FGF13: variants seen among roughly 807,000 people sequenced by gnomAD.
FGF13 encodes the protein fibroblast growth factor 13.
In FGF13, 2 loss-of-function variants were observed where a neutral mutation model predicts 19.5. The ratio of observed to expected loss-of-function variants is 0.10; its 90% CI spans 0.04 to 0.32. The LOEUF is 0.32. Ranked by LOEUF, FGF13 falls within the 10% of genes least tolerant of loss-of-function variation. The probability of loss-of-function intolerance (pLI) is 1.00; values close to 1 mark genes in which losing one functional copy is unlikely to be tolerated. For synonymous variants in FGF13, 72 were observed against 76.9 expected (o/e 0.94, Z 0.33); for missense variants, 113 against 192.7 (o/e 0.59, Z 2.45).
chrX:138,688,846 G>A (rs185580766), intron 3 of FGF13, among the ~76,000 whole-genome samples: 36 of 112,103 alleles, frequency 3.2e-4, no homozygotes, highest in African/African-American at 8.1e-4. Flanking sequence ...AGGAGAATCT[G>A]ACTTTTGGGT....
upstream of FGF13, among the ~76,000 whole-genome samples, chrX:138,712,524 C>A (rs2090064748): frequency 9.0e-6 from 1 of 111,466 alleles, no homozygotes; most frequent in Admixed American, 9.5e-5. Context: ...ATTCAGGAAC[C>A]AGTCTGGCTT....
At chrX:138,725,832 C>A (rs905153807) in intron 1 of FGF13, among the ~76,000 whole-genome samples, 2 of 111,500 alleles carry the variant, frequency 1.8e-5, no homozygotes, top group Non-Finnish European at 3.8e-5. Context: ...ATGAACAAAG[C>A]ATGACTTTGC....
chrX:138,953,321 C>T (rs1041236454), intron 1 of FGF13, among the ~76,000 whole-genome samples: 2 of 110,599 alleles, frequency 1.8e-5, no homozygotes, highest in African/African-American at 3.3e-5. Context: ...AGCAAACTAT[C>T]GCAAGGACAG....
chrX:138,973,605 T>C lies in FGF13; in HGVS notation c.-112-108955A>G, dbSNP rs545412957. Among the ~76,000 whole-genome samples the C allele has an allele frequency of 2.8e-4, 31 of 112,050 alleles. No individual in the cohort carries two copies. The South Asian group carries it at 0.011, about 40-fold the overall frequency. On this transcript the variant is annotated intron_variant, in intron 1 of 2. Transcript: ENST00000421460. ...CTGAAAGTGAGGTGTTTAAGTCCCT[T>C]ACTATTATATTGCAGTCTATCTTCC...
intron 1 of FGF13, among the ~76,000 whole-genome samples, chrX:138,730,150 A>AT (rs920809209): frequency 7.2e-5 from 8 of 110,707 alleles, no homozygotes; most frequent in Non-Finnish European, 1.5e-4. Context: ...AAAGATCTTT[A>AT]TTTTAAAAAC....
chrX:138,752,551 G>T (rs1228336937), intron 3 of FGF13, among the ~76,000 whole-genome samples: 8 of 112,378 alleles, frequency 7.1e-5, no homozygotes, highest in Non-Finnish European at 1.5e-4. Context: ...TATATTAGTA[G>T]ATATATACGT....
At chrX:138,633,114 T>A in intron 4 of FGF13, 128 bp from the exon 5 acceptor site, 1 of 627,024 alleles carries the variant, frequency 1.6e-6, no homozygotes. Context: ...GTAATGCATA[T>A]GTTAATTAGC....
intron 3 of FGF13, among the ~76,000 whole-genome samples, chrX:138,783,058 T>TG (rs1185921260): frequency 1.0e-5 from 1 of 95,450 alleles, no homozygotes; most frequent in Non-Finnish European, 2.1e-5. Flanking sequence ...AAACAAGCAA[T>TG]GGGGAAAGGA....
chrX:138,716,829 A>T (rs751324867), intron 1 of FGF13, among the ~76,000 whole-genome samples: 1 of 111,705 alleles, frequency 9.0e-6, no homozygotes, highest in East Asian at 2.8e-4. Context: ...GGCCTTCCTG[A>T]ATTGCATTTA....
intron 3 of FGF13, among the ~76,000 whole-genome samples, chrX:138,673,216 T>C (rs1267022082): frequency 9.0e-6 from 1 of 111,453 alleles, no homozygotes; most frequent in East Asian, 2.9e-4. Flanking sequence ...AATAAAGGAA[T>C]ATTTTTTCTC....
At position 138,796,899 on chromosome X, in the gene FGF13, T is replaced by C. The variant is rs1351103436; in HGVS notation, c.217+60613A>G. The stretch of plus-strand genomic sequence containing the variant: ...TTCATTTACGTTGCCCCCTTTATGA[T>C]GGGGTTGTTTTTTTCTTGTAAATTT... On this transcript the variant is annotated intron_variant, in intron 3 of 6. Transcript: ENST00000436198. 2.7e-5 allele frequency among the ~76,000 whole-genome samples: 3 copies of C among 111,872 alleles called. No homozygotes were observed. In the East Asian group the frequency reaches 8.5e-4, roughly 32 times the overall value.
intron 1 of FGF13, among the ~76,000 whole-genome samples, chrX:138,961,765 G>C (rs990716225): frequency 8.9e-6 from 1 of 111,825 alleles, no homozygotes; most frequent in African/African-American, 3.3e-5. Flanking sequence ...TTTAATAAAT[G>C]GTTCTGGGAA....
chrX:138,829,299 A>G (rs1341984299), intron 3 of FGF13, among the ~76,000 whole-genome samples: 3 of 111,578 alleles, frequency 2.7e-5, no homozygotes, highest in Non-Finnish European at 5.6e-5. Flanking sequence ...GGGGTATGGA[A>G]GTAGATCCCT....
chrX:139,047,421 T>C (rs1449556354), intron 1 of FGF13, among the ~76,000 whole-genome samples: 2 of 111,241 alleles, frequency 1.8e-5, no homozygotes, highest in African/African-American at 6.6e-5. Flanking sequence ...TATTATACTT[T>C]AAGTTTTAGG....
At chrX:139,065,481 CA>C (rs767805587) in intron 1 of FGF13, among the ~76,000 whole-genome samples, 1,183 of 30,703 alleles carry the variant, frequency 0.039, 36 homozygotes, top group African/African-American at 0.15. Flanking sequence ...AAACGGAAAG[CA>C]AAAAAAAAAA....
At chrX:138,768,700 A>T (rs1184357502) in intron 3 of FGF13, among the ~76,000 whole-genome samples, 1 of 98,768 alleles carries the variant, frequency 1.0e-5, no homozygotes, top group Non-Finnish European at 2.0e-5. Flanking sequence ...ATAAGTATAT[A>T]TTATATATAT....
chrX:139,130,759 T>A (rs192860252), intron 1 of FGF13, among the ~76,000 whole-genome samples: 3 of 112,285 alleles, frequency 2.7e-5, no homozygotes, highest in African/African-American at 9.7e-5. Flanking sequence ...CTTTTCCCCA[T>A]GAAATAGTGT....
rs185359444 is a variant in FGF13, at chrX:138,990,109, C to T, written c.-112-125459G>A. On this transcript the variant is annotated intron_variant, in intron 1 of 2. Transcript: ENST00000421460. ...TAATATTTGAAAAATTAAAGACTTC[C>T]TTTTTTTCCAGAAATACACTGAATG... 8.0e-3 allele frequency among the ~76,000 whole-genome samples: 886 copies of T among 111,121 alleles called. 10 individuals are homozygous for T. The highest frequency in any genetic ancestry group is 0.027 in the African/African-American group (840 of 30,634).
chrX:138,913,582 AAAGAG>A (rs368072151), intron 1 of FGF13, among the ~76,000 whole-genome samples: 37 of 106,728 alleles, frequency 3.5e-4, no homozygotes, highest in African/African-American at 1.2e-3. Context: ...AAAGAAAAGA[AAAGAG>A]AAGAGAAGAG....
Sources: gnomAD v4.1 joint callset for allele counts (sites outside exome capture counted in the v4.1 genomes callset) on GRCh38, gnomAD v4.1.1 for gene constraint, MANE v1.5 for transcripts, NCBI Gene and HGNC (gene_info 2026-07-23, HGNC 2026-07-21) for gene names.